Variants in KCTD9 observed in about 807,000 individuals in gnomAD.
KCTD9 encodes the protein potassium channel tetramerization domain containing 9, also known as BTB/POZ domain-containing protein KCTD9.
Under a neutral mutation model 53.3 loss-of-function variants are expected in KCTD9, and 17 were observed. The ratio of observed to expected loss-of-function variants is 0.32; its 90% CI spans 0.22 to 0.48. The LOEUF is 0.48. KCTD9 is among the 20% of genes least tolerant of loss of function. The pLI, the probability that KCTD9 is intolerant of heterozygous loss-of-function variation, is 0.99. For missense variants in KCTD9, 179 were observed against 465.5 expected, an observed-to-expected ratio of 0.38 and a Z score of 5.66; for synonymous variants, 128 against 162.7, an observed-to-expected ratio of 0.79 and a Z score of 1.62.
chr8:25,450,944 G>A (rs1390980390), intron 1 of KCTD9, among the ~76,000 whole-genome samples: 2 of 152,154 alleles, frequency 1.3e-5, no homozygotes, highest in Non-Finnish European at 2.9e-5. Context: ...TTTGCAATCA[G>A]GCAGTTAACA....
intron 11 of KCTD9, among the ~76,000 whole-genome samples, chr8:25,432,216 C>G (rs1365834007): frequency 6.6e-6 from 1 of 152,164 alleles, no homozygotes; most frequent in African/African-American, 2.4e-5. Context: ...ACCTGGATAT[C>G]ATTTAAATTT....
At chr8:25,443,920 G>A (rs985676611) in intron 3 of KCTD9, among the ~76,000 whole-genome samples, 7 of 152,006 alleles carry the variant, frequency 4.6e-5, no homozygotes, top group African/African-American at 1.2e-4. Context: ...CACTACTTAC[G>A]CAAGCAATAT....
chr8:25,446,117 G>A lies in KCTD9; in HGVS notation c.170+12C>T, dbSNP rs1563248745. The stretch of plus-strand genomic sequence containing the variant: ...GCACACTGTTGACAGCTTATAAAAA[G>A]GTGAAGGTTACCTGATCAAAGCAAT... On this transcript the variant is annotated intron_variant, in intron 2 of 11. Coordinates refer to ENST00000221200, the MANE Select transcript of KCTD9 (RefSeq NM_017634.4). The A allele has an allele frequency of 6.2e-7, 1 of 1,612,150 alleles. No individual in the cohort carries two copies. Among genetic ancestry groups the A allele is most frequent in the East Asian group, 2.2e-5 (1 of 44,810 alleles).
chr8:25,432,455 C>G (rs1379991670), intron 11 of KCTD9, 49 bp downstream of exon 11: 1 of 1,525,736 alleles, frequency 6.6e-7, no homozygotes, highest in Non-Finnish European at 8.9e-7. Context: ...GCATGAGATG[C>G]TTAGTAAGTC....
intron 1 of KCTD9, among the ~76,000 whole-genome samples, chr8:25,447,196 C>T (rs1054836619): frequency 3.3e-5 from 5 of 152,056 alleles, no homozygotes; most frequent in Non-Finnish European, 7.4e-5. Context: ...GAGTTTGAGA[C>T]CAGCCAGACC....
chr8:25,458,151 C>A, intron 1 of KCTD9, 48 bp downstream of exon 1: 1 of 1,511,300 alleles, frequency 6.6e-7, no homozygotes, highest in Non-Finnish European at 9.0e-7. Flanking sequence ...GCACCGTCCG[C>A]CCTCGCCCCG....
chr8:25,450,284 C>T (rs1802294442), intron 1 of KCTD9: 3 of 978,546 alleles, frequency 3.1e-6, no homozygotes, highest in Non-Finnish European at 3.6e-6. Flanking sequence ...ATAGAGGTGA[C>T]CAATTATCCC....
intron 4 of KCTD9, 99 bp from the exon 5 acceptor site, chr8:25,439,763 G>C: frequency 6.3e-7 from 1 of 1,582,390 alleles, no homozygotes; most frequent in Non-Finnish European, 8.6e-7. Flanking sequence ...CTCTCAAAAA[G>C]ATGCATGCTA....
At position 25,432,561 on chromosome 8, in the gene KCTD9, A is replaced by AT. The variant is rs1563244691; in HGVS notation, c.995dup (p.Asn332LysfsTer8). 1 of 1,613,558 alleles carries AT rather than the reference A, an allele frequency of 6.2e-7. No homozygotes were observed. The highest frequency in any genetic ancestry group is 1.7e-5 in the Admixed American group (1 of 60,006). The stretch of plus-strand genomic sequence containing the variant: ...TGAGGTTACAGTTCTTCAACTTTGC[A>AT]TTTTTTAAGGTAGCCACTCTCAGGT... On this transcript the variant is annotated frameshift_variant, in exon 11 of 12. Transcript: ENST00000221200. LOFTEE classifies it high-confidence loss of function.
At position 25,439,597 on chromosome 8, in the gene KCTD9, T is replaced by C; in HGVS notation, c.370+9A>G. ...AAGATGAAATGTGAAAACAACGTGT[T>C]ACACTCACCTTTGTCCTTAAACATG... On this transcript the variant is annotated intron_variant, in intron 5 of 11. Coordinates refer to ENST00000221200, the MANE Select transcript of KCTD9 (RefSeq NM_017634.4). The C allele has an allele frequency of 6.2e-7, 1 of 1,614,002 alleles. No individual in the cohort carries two copies.
chr8:25,432,394 T>A, intron 11 of KCTD9, 110 bp downstream of exon 11: 1 of 914,850 alleles, frequency 1.1e-6, no homozygotes, highest in Non-Finnish European at 1.7e-6. Flanking sequence ...AGATGAGTCT[T>A]CCAATCCAGT....
At chr8:25,433,516 A>G in intron 9 of KCTD9, 81 bp from the exon 10 acceptor site, 1 of 617,938 alleles carries the variant, frequency 1.6e-6, no homozygotes, top group South Asian at 3.1e-5. Context: ...GAAAAAAAAT[A>G]GAAAAGAGGG....
In KCTD9 at chr8:25,453,479, C is replaced by A. The variant is rs193004020; in HGVS notation, c.48+4720G>T. Among the ~76,000 whole-genome samples the A allele has an allele frequency of 6.7e-3, 1,015 of 151,548 alleles. 15 individuals carry two copies. The highest frequency in any genetic ancestry group is 5.4e-3 in the Non-Finnish European group (369 of 67,906). On this transcript the variant is annotated intron_variant, in intron 1 of 11. Transcript: ENST00000221200. ...GACCAGCCTGGCCAATATGGTGAAA[C>A]CCTGTCTCTACTAAAAACACAAAAA...
chr8:25,430,461 C>T (rs1801905952), intron 11 of KCTD9, among the ~76,000 whole-genome samples: 1 of 152,160 alleles, frequency 6.6e-6, no homozygotes, highest in Non-Finnish European at 1.5e-5. Flanking sequence ...CTATTGTGAA[C>T]TGCACATGTG....
intron 6 of KCTD9, 109 bp from the exon 7 acceptor site, chr8:25,436,594 CT>C: frequency 1.5e-6 from 1 of 665,010 alleles, no homozygotes; most frequent in Non-Finnish European, 2.5e-6. Flanking sequence ...ATTTAATTGC[CT>C]TTTTAAATGG....
At chr8:25,448,693 T>C (rs966766158) in intron 1 of KCTD9, among the ~76,000 whole-genome samples, 1 of 152,034 alleles carries the variant, frequency 6.6e-6, no homozygotes, top group African/African-American at 2.4e-5. Flanking sequence ...GGCGGATGGA[T>C]TGCTTAAGCT....
In KCTD9 at chr8:25,429,032, A is replaced by T. The variant is rs1207964470; in HGVS notation, c.*825T>A. 6.6e-6 allele frequency: 1 copy of T among 152,220 alleles called. No individual in the cohort carries two copies. The highest frequency in any genetic ancestry group is 1.5e-5 in the Non-Finnish European group (1 of 68,038). 9.4% of individuals were successfully genotyped at this position (152,220 alleles called of 1,614,324 possible). A position where few individuals can be genotyped will look rare whatever the true frequency, so the allele number is the denominator to read the frequency against. On this transcript the variant is annotated 3_prime_UTR_variant, in exon 12 of 12. Transcript: ENST00000221200. Reference sequence around the variant, plus strand: ...CTTGTGATGACTGTATGAGAAAACTAGGCTAATAGTGTAAATAGATAGAAT... The same window carrying T: ...CTTGTGATGACTGTATGAGAAAACTTGGCTAATAGTGTAAATAGATAGAAT...
intron 1 of KCTD9, among the ~76,000 whole-genome samples, chr8:25,447,414 T>C (rs1458816924): frequency 6.6e-6 from 1 of 151,942 alleles, no homozygotes; most frequent in Non-Finnish European, 1.5e-5. Flanking sequence ...AATAAGTAGG[T>C]GAAGAGCTAA....
At chr8:25,451,098 T>A (rs1167010158) in intron 1 of KCTD9, among the ~76,000 whole-genome samples, 1 of 152,242 alleles carries the variant, frequency 6.6e-6, no homozygotes. Flanking sequence ...AGGGCTATTC[T>A]TGACGTTTGT....
Sources: allele counts gnomAD v4.1 joint callset (sites outside exome capture counted in the v4.1 genomes callset), GRCh38; gene constraint gnomAD v4.1.1; transcripts MANE v1.5; gene names NCBI Gene and HGNC (gene_info 2026-07-23, HGNC 2026-07-21).